MGMT: variants seen among roughly 807,000 people sequenced by gnomAD.
MGMT encodes O-6-methylguanine-DNA methyltransferase.
MGMT carries 14 observed loss-of-function variants against 15.9 expected under a neutral mutation model. The observed-to-expected ratio is 0.88, with a 90% CI of 0.58 to 1.37. The LOEUF (loss-of-function observed/expected upper bound fraction) is 1.37. Ranked by LOEUF, MGMT falls within the 40% of genes most tolerant of loss-of-function variation. The pLI, the probability that MGMT is intolerant of heterozygous loss-of-function variation, is 0.00. For synonymous variants in MGMT, 130 were observed against 118.2 expected (o/e 1.10, Z -0.65); for missense variants, 282 against 268.1 (o/e 1.05, Z -0.36).
Position 129,768,229 on chromosome 10 carries a change from A to G in MGMT, c.*1232A>G, listed in dbSNP as rs2133192299. Among the ~76,000 whole-genome samples, 1 of 152,336 alleles carries G rather than the reference A, an allele frequency of 6.6e-6. No individual in the cohort carries two copies. The highest frequency in any genetic ancestry group is 2.1e-4 in the South Asian group (1 of 4,828). On this transcript the variant is annotated 3_prime_UTR_variant, in exon 5 of 5. Coordinates refer to ENST00000651593, the MANE Select transcript of MGMT (RefSeq NM_002412.5). The stretch of plus-strand genomic sequence containing the variant: ...CATTTTATCTTAACACCAACGAAAG[A>G]AAACCGATTTCAGACGTTTTTCGCT...
rs147676495 is a variant in MGMT, at chr10:129,562,256, C to T, written c.125+25879C>T. Among the ~76,000 whole-genome samples, 863 of 152,310 alleles carry T rather than the reference C, an allele frequency of 5.7e-3. 1 individual carries two copies. Among genetic ancestry groups the T allele is most frequent in the Middle Eastern group, 0.014 (4 of 294 alleles). ...GCATCTTGTGAGTCTCTTGATAGAGCGTTGAAAACTCCATGCAATGGTCTT... is the reference window on the plus strand; with the variant it reads ...GCATCTTGTGAGTCTCTTGATAGAGTGTTGAAAACTCCATGCAATGGTCTT... On this transcript the variant is annotated intron_variant, in intron 2 of 4. Coordinates refer to ENST00000651593, the MANE Select transcript of MGMT (RefSeq NM_002412.5).
intron 2 of MGMT, among the ~76,000 whole-genome samples, chr10:129,601,179 T>C (rs542463221): frequency 1.4e-4 from 21 of 152,228 alleles, no homozygotes; most frequent in South Asian, 1.2e-3. Context: ...ATTAAACCTT[T>C]ATGACTAAAG....
chr10:129,604,742 C>T (rs1335961138), intron 2 of MGMT, among the ~76,000 whole-genome samples: 1 of 141,814 alleles, frequency 7.1e-6, no homozygotes, highest in African/African-American at 2.6e-5. Context: ...GCCCCACCCC[C>T]TCCCCCCGGC....
intron 2 of MGMT, among the ~76,000 whole-genome samples, chr10:129,639,064 G>A (rs1471113228): frequency 6.6e-6 from 1 of 151,942 alleles, no homozygotes; most frequent in East Asian, 1.9e-4. Flanking sequence ...AAAATATATA[G>A]CCATGGAAGT....
intron 2 of MGMT, among the ~76,000 whole-genome samples, chr10:129,550,992 C>T (rs945226): frequency 0.033 from 5,012 of 152,246 alleles, 134 homozygotes; most frequent in South Asian, 0.064. Context: ...GGCACTTCTT[C>T]GTCAGGACAT....
At chr10:129,583,620 G>T (rs1273311009) in intron 2 of MGMT, among the ~76,000 whole-genome samples, 1 of 152,146 alleles carries the variant, frequency 6.6e-6, no homozygotes, top group Non-Finnish European at 1.5e-5. Context: ...CTTCTTCATT[G>T]CATCTGATAC....
intron 2 of MGMT, among the ~76,000 whole-genome samples, chr10:129,656,142 C>CACCG (rs1396737738): frequency 6.6e-6 from 1 of 152,162 alleles, no homozygotes; most frequent in Non-Finnish European, 1.5e-5. Flanking sequence ...GGTGCGGTGC[C>CACCG]CCTCCTGGAG....
chr10:129,730,372 C>A (rs1485277458), intron 3 of MGMT, among the ~76,000 whole-genome samples: 1 of 152,162 alleles, frequency 6.6e-6, no homozygotes, highest in Admixed American at 6.5e-5. Context: ...ATCAGATTTT[C>A]TACTTTCATG....
rs1322446794 is a variant in MGMT, at chr10:129,767,491, A to C, written c.*494A>C. 1 of 153,484 alleles carries C rather than the reference A, an allele frequency of 6.5e-6. No homozygotes were observed. The highest frequency in any genetic ancestry group is 1.9e-4 in the East Asian group (1 of 5,240). 9.5% of individuals were successfully genotyped at this position (153,484 alleles called of 1,614,324 possible). ...CCAGGTCTCACTGAAAGAAAGGGGAACAGGCCATGGCAGTCAGTGCTTACA... is the reference window on the plus strand; with the variant it reads ...CCAGGTCTCACTGAAAGAAAGGGGACCAGGCCATGGCAGTCAGTGCTTACA... On this transcript the variant is annotated 3_prime_UTR_variant, in exon 5 of 5. Coordinates refer to ENST00000651593, the MANE Select transcript of MGMT (RefSeq NM_002412.5).
chr10:129,604,464 G>A (rs936389438), intron 2 of MGMT, among the ~76,000 whole-genome samples: 18 of 152,220 alleles, frequency 1.2e-4, no homozygotes, highest in Non-Finnish European at 2.1e-4. Context: ...ATCAGCAGTC[G>A]TGAAAACGTG....
At chr10:129,627,055 G>A (rs529557080) in intron 2 of MGMT, among the ~76,000 whole-genome samples, 2 of 152,310 alleles carry the variant, frequency 1.3e-5, no homozygotes, top group Admixed American at 6.5e-5. Flanking sequence ...AAGGCTTCAC[G>A]CAAGTGGGCT....
In MGMT at chr10:129,467,270, C is replaced by A. The variant is rs778731655; in HGVS notation, c.-39C>A. The A allele has an allele frequency of 3.2e-6, 5 of 1,544,962 alleles. No individual in the cohort carries two copies. Among genetic ancestry groups the A allele is most frequent in the African/African-American group, 2.8e-5 (2 of 72,342 alleles). Reference sequence around the variant, plus strand: ...CTTTGCGTCCCGACGCCCGCAGGTCCTCGCGGTGCGCACCGTTTGCGACTT... The same window carrying A: ...CTTTGCGTCCCGACGCCCGCAGGTCATCGCGGTGCGCACCGTTTGCGACTT... On this transcript the variant is annotated 5_prime_UTR_variant, in exon 1 of 5. Transcript: ENST00000651593.
chr10:129,532,913 G>A lies in MGMT; in HGVS notation c.-12-3328G>A, dbSNP rs79109437. On this transcript the variant is annotated intron_variant, in intron 1 of 4. Transcript: ENST00000651593. The surrounding 1 kb of genome is among the most constrained non-coding windows in gnomAD (Gnocchi z 5.3). ...GAATGTCTGCAGTGCAGCTTCAGGCGCTGATGTGGGCAAACCCTTCCTCTC... is the reference window on the plus strand; with the variant it reads ...GAATGTCTGCAGTGCAGCTTCAGGCACTGATGTGGGCAAACCCTTCCTCTC... Among the ~76,000 whole-genome samples, 2,623 of 152,302 alleles carry A rather than the reference G, an allele frequency of 0.017. 89 individuals carry two copies. Among genetic ancestry groups the A allele is most frequent in the African/African-American group, 0.06 (2,483 of 41,574 alleles).
At chr10:129,605,541 G>T (rs1846878870) in intron 2 of MGMT, among the ~76,000 whole-genome samples, 1 of 151,882 alleles carries the variant, frequency 6.6e-6, no homozygotes, top group Non-Finnish European at 1.5e-5. Context: ...CACAATACCA[G>T]AAAATAATTC....
intron 1 of MGMT, among the ~76,000 whole-genome samples, chr10:129,503,771 C>T (rs192746658): frequency 3.9e-5 from 6 of 152,336 alleles, no homozygotes; most frequent in Admixed American, 3.9e-4. Flanking sequence ...GGAATTCTGT[C>T]GGATCCAGGG....
intron 3 of MGMT, among the ~76,000 whole-genome samples, chr10:129,720,739 G>A (rs1314008866): frequency 1.3e-5 from 2 of 152,190 alleles, no homozygotes; most frequent in East Asian, 3.9e-4. Flanking sequence ...AGCAGTGCCT[G>A]CCAATGCTGT....
chr10:129,728,464 G>A (rs1159559594), intron 3 of MGMT, among the ~76,000 whole-genome samples: 1 of 152,102 alleles, frequency 6.6e-6, no homozygotes, highest in Non-Finnish European at 1.5e-5. Flanking sequence ...TGCCTTGGGG[G>A]AGTTCAGGGG....
chr10:129,518,774 CT>C (rs2119717657), intron 1 of MGMT, among the ~76,000 whole-genome samples: 2 of 151,132 alleles, frequency 1.3e-5, no homozygotes, highest in South Asian at 4.2e-4. Flanking sequence ...ATCATTAAGA[CT>C]TCCATTCAAC....
intron 1 of MGMT, among the ~76,000 whole-genome samples, chr10:129,488,825 C>T (rs1379630974): frequency 6.6e-6 from 1 of 152,138 alleles, no homozygotes; most frequent in Non-Finnish European, 1.5e-5. Context: ...CACCTTTCTC[C>T]AGGGCTCTGC....
Sources: allele counts gnomAD v4.1 joint callset (sites outside exome capture counted in the v4.1 genomes callset), GRCh38; gene constraint gnomAD v4.1.1; non-coding constraint Gnocchi (gnomAD v3.1); transcripts MANE v1.5; gene names NCBI Gene and HGNC (gene_info 2026-07-23, HGNC 2026-07-21).